PCNX2: variants seen among roughly 807,000 people sequenced by gnomAD.
The protein encoded by PCNX2 is pecanex-like protein 2.
A neutral mutation model predicts 223.8 loss-of-function variants in PCNX2; 168 were observed. The ratio of observed to expected loss-of-function variants is 0.75; its 90% CI spans 0.66 to 0.85. The LOEUF is 0.85. Ranked by LOEUF, PCNX2 falls within the 40% of genes least tolerant of loss-of-function variation. PCNX2 has a pLI of 0.00. For missense variants in PCNX2, 2,507 were observed against 2,675.5 expected, an observed-to-expected ratio of 0.94 and a Z score of 1.39; for synonymous variants, 1,006 against 1,052.6, an observed-to-expected ratio of 0.96 and a Z score of 0.86.
intron 1 of PCNX2, among the ~76,000 whole-genome samples, chr1:233,273,010 G>C (rs1447973711): frequency 6.6e-6 from 1 of 151,502 alleles, no homozygotes; most frequent in Non-Finnish European, 1.5e-5. Flanking sequence ...AGTGGGAGGA[G>C]GGTGAGGGAT....
chr1:233,314,708 T>C, the PCNX2 span, among the ~76,000 whole-genome samples: 4 of 152,076 alleles, frequency 2.6e-5, no homozygotes, highest in Admixed American at 2.6e-4. Flanking sequence ...AGATGTTTAA[T>C]TTGAAATCTT....
intron 15 of PCNX2, among the ~76,000 whole-genome samples, chr1:233,186,210 A>AT (rs917506554): frequency 3.3e-5 from 5 of 152,102 alleles, no homozygotes; most frequent in African/African-American, 7.2e-5. Flanking sequence ...AAAGAAACTG[A>AT]TTTTTTTATC....
chr1:232,984,405 C>A lies in PCNX2; in HGVS notation c.6313G>T (p.Ala2105Ser), dbSNP rs750857293. ...ACAACCCCGAGAGTGTCCGCCACAG[C>A]CTCAGCCAGACATCGGTCATGAAGC... ...GQLHDRCLAE[A>S]VADTLGVVCR... Residue 2105 changes from alanine (A) to serine (S), a missense_variant, in exon 34 of 34, where the codon GCT becomes TCT. Physicochemically the swap from Ala to Ser is moderately conservative, Grantham distance 99 (BLOSUM62 1). Around this residue, in one of 3 missense-constraint regions of PCNX2, gnomAD observed 1,372 missense variants for 1,509.4 expected, o/e 0.91. Transcript: ENST00000258229. The A allele has an allele frequency of 6.2e-7, 1 of 1,613,698 alleles. No individual in the cohort carries two copies. Among genetic ancestry groups the A allele is most frequent in the Non-Finnish European group, 8.5e-7 (1 of 1,179,866 alleles).
intron 10 of PCNX2, among the ~76,000 whole-genome samples, chr1:233,218,464 A>C (rs187059726): frequency 5.9e-5 from 9 of 151,934 alleles, no homozygotes; most frequent in Non-Finnish European, 7.4e-5. Flanking sequence ...GTTAGTCAGG[A>C]TGGTCTTGAT....
chr1:233,243,234 C>T (rs10910118), intron 8 of PCNX2, among the ~76,000 whole-genome samples: 12,564 of 152,166 alleles, frequency 0.083, 1,350 homozygotes, highest in African/African-American at 0.25. Context: ...AACTGTCACA[C>T]GGTAACAAGG....
intron 28 of PCNX2, among the ~76,000 whole-genome samples, chr1:233,004,744 A>G (rs562421509): frequency 6.6e-6 from 1 of 152,222 alleles, no homozygotes; most frequent in Non-Finnish European, 1.5e-5. Flanking sequence ...ACTGATTGCT[A>G]TTTTAGCATT....
chr1:233,151,190 C>A (rs1677783125), intron 19 of PCNX2, among the ~76,000 whole-genome samples: 1 of 152,166 alleles, frequency 6.6e-6, no homozygotes, highest in African/African-American at 2.4e-5. Context: ...ATTTAAATTA[C>A]AAGGTTACTT....
rs1447005153 is a variant in PCNX2, at chr1:233,054,344, G to T, written c.4275C>A (p.Asp1425Glu). ...SGDCFILASDDLNAFVHLIEI... is the reference protein window; with the variant it reads ...SGDCFILASDELNAFVHLIEI... ...CAATCAGGTGAACAAAGGCATTGAG[G>T]TCATCTGAAGCCAAAATAAAGCAAT... The change falls in exon 25 of 34, where the codon GAC (aspartate) becomes GAA (glutamate). Residue 1425 changes from aspartate (D) to glutamate (E), a missense_variant. Physicochemically the swap from Asp to Glu is conservative, Grantham distance 45 (BLOSUM62 2). Coordinates refer to ENST00000258229, the MANE Select transcript of PCNX2 (RefSeq NM_014801.4). 7 of 1,613,776 alleles carry T rather than the reference G, an allele frequency of 4.3e-6. No homozygotes were observed. Among genetic ancestry groups the T allele is most frequent in the Non-Finnish European group, 5.9e-6 (7 of 1,179,876 alleles).
intron 19 of PCNX2, among the ~76,000 whole-genome samples, chr1:233,156,353 T>C (rs1571985525): frequency 1.3e-5 from 2 of 152,170 alleles, no homozygotes; most frequent in African/African-American, 2.4e-5. Flanking sequence ...CAAAAGGAAG[T>C]ATATGCACCA....
At chr1:233,163,881 T>C (rs750819760) in intron 17 of PCNX2, among the ~76,000 whole-genome samples, 2 of 152,198 alleles carry the variant, frequency 1.3e-5, no homozygotes, top group African/African-American at 2.4e-5. Context: ...TCATTCCTTT[T>C]CATTGCTGAG....
chr1:233,095,963 C>T (rs2102948799), intron 21 of PCNX2, 100 bp from the exon 22 acceptor site: 1 of 770,422 alleles, frequency 1.3e-6, no homozygotes, highest in East Asian at 2.7e-5. Context: ...TAGGAAGGGG[C>T]AGTGAAACTA....
intron 17 of PCNX2, among the ~76,000 whole-genome samples, chr1:233,166,378 A>G (rs1252548334): frequency 6.6e-6 from 1 of 152,060 alleles, no homozygotes. Flanking sequence ...TGGAACTATA[A>G]AAGAAAAAAT....
intron 13 of PCNX2, among the ~76,000 whole-genome samples, chr1:233,207,017 AAAAGAAG>A (rs1415364621): frequency 2.7e-5 from 4 of 148,754 alleles, no homozygotes; most frequent in Admixed American, 1.4e-4. Flanking sequence ...ACAAAAAAAA[AAAAGAAG>A]AAGAAGAAGA....
chr1:233,233,174 G>A (rs563046270), intron 9 of PCNX2, among the ~76,000 whole-genome samples: 2 of 152,246 alleles, frequency 1.3e-5, no homozygotes, highest in Non-Finnish European at 2.9e-5. Flanking sequence ...CCATGGTAAT[G>A]AGTCTACAGA....
chr1:233,121,139 A>T (rs540338532), intron 21 of PCNX2, among the ~76,000 whole-genome samples: 2 of 152,250 alleles, frequency 1.3e-5, no homozygotes, highest in African/African-American at 4.8e-5. Context: ...TACAGTATCT[A>T]TATGCAAAAA....
At chr1:233,008,284 C>T (rs185970087) in intron 28 of PCNX2, among the ~76,000 whole-genome samples, 22 of 152,320 alleles carry the variant, frequency 1.4e-4, no homozygotes, top group Middle Eastern at 3.4e-3. Flanking sequence ...CGGTAAAGAA[C>T]ACGTGATGTC....
At position 233,000,384 on chromosome 1, in the gene PCNX2, C is replaced by T. The variant is rs750460068; in HGVS notation, c.5249G>A (p.Arg1750Gln). ...GTCGGCACCCTCGTCCACCACGTGC[C>T]GCAGGGTGAGCAGCTCTTCCTTGTT... ...LSNKEELLTL[R>Q]HVVDEGADEY... The change falls in exon 30 of 34, where the codon CGG (arginine) becomes CAG (glutamine). Residue 1750 changes from arginine to glutamine, a missense_variant. Around this residue, in one of 3 missense-constraint regions of PCNX2, gnomAD observed 1,372 missense variants for 1,509.4 expected, o/e 0.91. Coordinates refer to ENST00000258229, the MANE Select transcript of PCNX2 (RefSeq NM_014801.4). The surrounding 1 kb of genome is among the most constrained non-coding windows in gnomAD (Gnocchi z 4.6). 27 of 1,612,744 alleles carry T rather than the reference C, an allele frequency of 1.7e-5. No homozygotes were observed. The African/African-American group carries it at 1.9e-4, about 11-fold the overall frequency.
chr1:233,289,404 T>C lies in PCNX2; in HGVS notation c.153+5922A>G, dbSNP rs571127177. 1.3e-5 allele frequency: 19 copies of C among 1,415,974 alleles called. No individual in the cohort carries two copies. In the East Asian group the frequency reaches 4.3e-4, roughly 32 times the overall value. 87.7% of individuals were successfully genotyped at this position (1,415,974 alleles called of 1,614,324 possible). ...GATGCGGGACTCGAACTCGTCCGGC[T>C]TCTCGCCATTAGGCTTCACGATCTT... On this transcript the variant is annotated intron_variant, in intron 1 of 33. Transcript: ENST00000258229.
intron 21 of PCNX2, chr1:233,112,964 G>A (rs937531361): frequency 3.0e-5 from 39 of 1,289,316 alleles, no homozygotes; most frequent in African/African-American, 1.1e-4. Flanking sequence ...TGTGGGTGCC[G>A]TCCTAGGGAG....
Sources: gnomAD v4.1 joint callset for allele counts (sites outside exome capture counted in the v4.1 genomes callset) on GRCh38, gnomAD v4.1.1 for gene constraint, gnomAD v4.1.1 regional missense constraint, Gnocchi (gnomAD v3.1) non-coding constraint, MANE v1.5 for transcripts, NCBI Gene and HGNC (gene_info 2026-07-23, HGNC 2026-07-21) for gene names.